NOTCH2: variants seen among roughly 807,000 people sequenced by gnomAD.
The protein encoded by NOTCH2 is notch receptor 2.
A neutral mutation model predicts 235.8 loss-of-function variants in NOTCH2; 29 were observed. The observed-to-expected ratio is 0.12, with a 90% CI of 0.09 to 0.17. NOTCH2 has a LOEUF of 0.17. NOTCH2 is among the 10% of genes least tolerant of loss of function. The pLI, the probability that NOTCH2 is intolerant of heterozygous loss-of-function variation, is 1.00. For missense variants in NOTCH2, 2,285 were observed against 3,150.2 expected, an observed-to-expected ratio of 0.73 and a Z score of 6.57; for synonymous variants, 1,086 against 1,141.5, an observed-to-expected ratio of 0.95 and a Z score of 0.98.
chr1:119,919,731 T>G (rs1028303882), intron 30 of NOTCH2, 118 bp from the exon 31 acceptor site: 5 of 943,378 alleles, frequency 5.3e-6, no homozygotes, highest in Non-Finnish European at 6.6e-6. Context: ...CCTGTACTTC[T>G]TGTAGTAACT....
In NOTCH2 at chr1:119,919,447, G is replaced by A; in HGVS notation, c.5646C>T (p.His1882=). ...QTDRTGEMAL[H]LAARYSRADA... ...CAGCCCGTGAGTAGCGGGCTGCAAG[G>A]TGCAGGGCCATCTCACCAGTCCGGT... The change falls in exon 31 of 34, where the codon CAC becomes CAT. Residue 1882 remains histidine, a synonymous_variant. Coordinates refer to ENST00000256646, the MANE Select transcript of NOTCH2 (RefSeq NM_024408.4). 6.2e-7 allele frequency: 1 copy of A among 1,613,836 alleles called. No individual in the cohort carries two copies. Among genetic ancestry groups the A allele is most frequent in the Non-Finnish European group, 8.5e-7 (1 of 1,180,042 alleles).
At chr1:119,981,723 G>T (rs1298235057) in intron 5 of NOTCH2, among the ~76,000 whole-genome samples, 2 of 152,156 alleles carry the variant, frequency 1.3e-5, no homozygotes, top group African/African-American at 4.8e-5. Context: ...CACTGTGGCA[G>T]TCTGCCCAAC....
chr1:120,000,659 G>A (rs1340450243), intron 3 of NOTCH2, among the ~76,000 whole-genome samples: 8 of 148,682 alleles, frequency 5.4e-5, no homozygotes, highest in African/African-American at 1.7e-4. Flanking sequence ...TTATGAAGAA[G>A]GCATTACTGT....
At chr1:119,951,548 G>GT (rs1650475821) in intron 14 of NOTCH2, among the ~76,000 whole-genome samples, 1 of 152,164 alleles carries the variant, frequency 6.6e-6, no homozygotes, top group Admixed American at 6.6e-5. Context: ...AAAGCCTCTG[G>GT]TTTATGCCCA....
intron 5 of NOTCH2, among the ~76,000 whole-genome samples, chr1:119,974,103 C>T (rs587740338): frequency 7.2e-5 from 11 of 152,084 alleles, no homozygotes; most frequent in African/African-American, 2.7e-4. Context: ...TATAGGCTAC[C>T]TAGCAAATAA....
intron 1 of NOTCH2, among the ~76,000 whole-genome samples, chr1:120,041,995 GAA>G (rs1654593410): frequency 6.8e-6 from 1 of 146,782 alleles, no homozygotes; most frequent in African/African-American, 2.7e-5. Flanking sequence ...GGGAAAGAGA[GAA>G]AGAGCAAGCG....
At chr1:120,048,979 GA>G (rs1654909024) in intron 1 of NOTCH2, among the ~76,000 whole-genome samples, 1 of 111,556 alleles carries the variant, frequency 9.0e-6, no homozygotes, top group African/African-American at 3.8e-5. Context: ...AATTCCAAAA[GA>G]AAGTAAATTA....
At chr1:119,932,608 TATCTATC>T (rs1366829529) in intron 22 of NOTCH2, among the ~76,000 whole-genome samples, 1 of 32,098 alleles carries the variant, frequency 3.1e-5, no homozygotes, top group Admixed American at 2.8e-4. Flanking sequence ...AACAAACAAA[TATCTATC>T]TATCTATCTA....
At chr1:120,060,418 A>G (rs1422387501) in intron 1 of NOTCH2, among the ~76,000 whole-genome samples, 3 of 147,978 alleles carry the variant, frequency 2.0e-5, no homozygotes, top group Non-Finnish European at 4.5e-5. Context: ...GTGTGTGTGC[A>G]TATATATATA....
At chr1:119,968,384 C>T in intron 6 of NOTCH2, 152 bp from the exon 7 acceptor site, 1 of 875,386 alleles carries the variant, frequency 1.1e-6, no homozygotes, top group Non-Finnish European at 1.8e-6. Context: ...CCTGACCCTA[C>T]CTTGGGGACA....
At chr1:119,964,419 C>T (rs782409046) in intron 10 of NOTCH2, among the ~76,000 whole-genome samples, 2 of 152,130 alleles carry the variant, frequency 1.3e-5, no homozygotes, top group African/African-American at 2.4e-5. Flanking sequence ...CAGGAGTCCT[C>T]CCCCCACTTT....
intron 4 of NOTCH2, among the ~76,000 whole-genome samples, chr1:119,988,665 T>C (rs973911039): frequency 6.6e-6 from 1 of 152,082 alleles, no homozygotes; most frequent in African/African-American, 2.4e-5. Context: ...AAGATATTCT[T>C]TGGAAAATTT....
intron 2 of NOTCH2, among the ~76,000 whole-genome samples, chr1:120,014,956 T>C (rs1471802710): frequency 2.9e-5 from 4 of 139,544 alleles, no homozygotes; most frequent in Non-Finnish European, 3.1e-5. Flanking sequence ...TGAGGCCAAA[T>C]TGCATCCAGG....
intron 17 of NOTCH2, among the ~76,000 whole-genome samples, chr1:119,942,086 T>A (rs1432608736): frequency 1.3e-5 from 2 of 152,186 alleles, no homozygotes; most frequent in Non-Finnish European, 2.9e-5. Context: ...TTTCAAAAGG[T>A]ATATGTGATT....
intron 5 of NOTCH2, among the ~76,000 whole-genome samples, chr1:119,975,535 A>T (rs1651541285): frequency 6.6e-6 from 1 of 151,898 alleles, no homozygotes; most frequent in Non-Finnish European, 1.5e-5. Flanking sequence ...AGTCCCAGCT[A>T]CTTGGGAGGC....
chr1:119,972,135 AAGGG>A (rs1266732117), intron 5 of NOTCH2, among the ~76,000 whole-genome samples: 4 of 145,698 alleles, frequency 2.7e-5, no homozygotes, highest in Non-Finnish European at 4.5e-5. Context: ...GAAGGTAAGA[AAGGG>A]AGGGAGGGAG....
intron 5 of NOTCH2, among the ~76,000 whole-genome samples, chr1:119,973,574 C>T (rs1651451562): frequency 6.6e-6 from 1 of 152,142 alleles, no homozygotes; most frequent in South Asian, 2.1e-4. Context: ...GAGTATTCAG[C>T]CCTGGATGTG....
chr1:119,935,917 GT>G (rs1281442418), intron 21 of NOTCH2, among the ~76,000 whole-genome samples: 1 of 152,196 alleles, frequency 6.6e-6, no homozygotes, highest in Non-Finnish European at 1.5e-5. Context: ...CTGGGTACAG[GT>G]TTCCTCATCT....
intron 25 of NOTCH2, 119 bp from the exon 26 acceptor site, chr1:119,924,103 G>T: frequency 1.2e-6 from 1 of 838,520 alleles, no homozygotes; most frequent in South Asian, 1.5e-5. Flanking sequence ...CCACACCCAG[G>T]ACCCAAATGC....
Sources: allele counts gnomAD v4.1 joint callset (sites outside exome capture counted in the v4.1 genomes callset), GRCh38; gene constraint gnomAD v4.1.1; transcripts MANE v1.5; gene names NCBI Gene and HGNC (gene_info 2026-07-23, HGNC 2026-07-21).